Variants in FAM47E observed in about 807,000 individuals in gnomAD.
FAM47E encodes the protein family with sequence similarity 47 member E.
FAM47E carries 32 observed loss-of-function variants against 41.6 expected under a neutral mutation model. That is an observed-to-expected ratio of 0.77 (90% CI 0.58 to 1.03). FAM47E has a LOEUF of 1.03. Among genes scored for constraint, FAM47E ranks in the 50% least tolerant of loss-of-function variants. The pLI is 0.00. For missense variants in FAM47E, 424 were observed against 485.4 expected, an observed-to-expected ratio of 0.87 and a Z score of 1.19; for synonymous variants, 184 against 188.7, an observed-to-expected ratio of 0.98 and a Z score of 0.20.
chr4:76,234,052 G>T (rs1378865044), intron 2 of FAM47E, among the ~76,000 whole-genome samples: 1 of 152,240 alleles, frequency 6.6e-6, no homozygotes, highest in African/African-American at 2.4e-5. Context: ...GGCCTTTCAG[G>T]CCCAGGGTGT....
chr4:76,220,520 T>G (rs1733289191), intron 2 of FAM47E, among the ~76,000 whole-genome samples: 1 of 152,086 alleles, frequency 6.6e-6, no homozygotes, highest in Admixed American at 6.6e-5. Context: ...CCAGCTTACT[T>G]ATGAGGTGAG....
chr4:76,236,099 G>A lies in FAM47E; in HGVS notation c.81+18411G>A, dbSNP rs575303030. Among the ~76,000 whole-genome samples, 24 of 152,220 alleles carry A rather than the reference G, an allele frequency of 1.6e-4. No homozygotes were observed. The South Asian group carries it at 4.4e-3, about 28-fold the overall frequency. The stretch of plus-strand genomic sequence containing the variant: ...TTACATATCAAAAGTGGCTTGGAGA[G>A]ATTAAAGAACATTTTTTGTGTTTTT... On this transcript the variant is annotated intron_variant, in intron 2 of 7. Coordinates refer to the FAM47E transcript ENST00000510197.
chr4:76,268,802 G>T, intron 4 of FAM47E, 34 bp downstream of exon 4: 1 of 1,549,006 alleles, frequency 6.5e-7, no homozygotes, highest in Non-Finnish European at 8.7e-7. Flanking sequence ...CTGCAAGTGG[G>T]TTACTACTTT....
rs1578812443 is a variant in FAM47E, at chr4:76,283,537, C to T, written c.*79C>T. The T allele has an allele frequency of 1.1e-6, 1 of 907,090 alleles. No homozygotes were observed. The highest frequency in any genetic ancestry group is 1.7e-6 in the Non-Finnish European group (1 of 574,020). 56.2% of individuals were successfully genotyped at this position (907,090 alleles called of 1,614,324 possible). On this transcript the variant is annotated 3_prime_UTR_variant, in exon 8 of 8. Transcript: ENST00000424749. ...TCTCTGTCTCCTTTTAAAGATTAAA[C>T]AGAGTTTATGATGAGTGTCCCACTG...
At chr4:76,225,231 T>C (rs1204231260) in intron 2 of FAM47E, among the ~76,000 whole-genome samples, 1 of 152,230 alleles carries the variant, frequency 6.6e-6, no homozygotes, top group East Asian at 1.9e-4. Context: ...CAGTTGTGTA[T>C]TGTGCTGCTA....
chr4:76,276,832 C>T (rs1259900831), intron 5 of FAM47E, among the ~76,000 whole-genome samples: 3 of 152,150 alleles, frequency 2.0e-5, no homozygotes, highest in Non-Finnish European at 4.4e-5. Flanking sequence ...TCTGTATGCT[C>T]GGAACAGAGA....
upstream of FAM47E, among the ~76,000 whole-genome samples, chr4:76,250,969 G>A (rs1202155590): frequency 6.6e-6 from 1 of 152,004 alleles, no homozygotes; most frequent in Non-Finnish European, 1.5e-5. Flanking sequence ...CCATTTTCAG[G>A]CCAGGTAATT....
upstream of FAM47E, chr4:76,251,664 T>C: frequency 7.3e-7 from 1 of 1,363,096 alleles, no homozygotes; most frequent in Non-Finnish European, 9.4e-7. Flanking sequence ...GCAGCGGTGG[T>C]TGTGCGGTGT....
In FAM47E at chr4:76,226,092, G is replaced by A. The variant is rs533279531; in HGVS notation, c.81+8404G>A. Among the ~76,000 whole-genome samples, 17 of 132,700 alleles carry A rather than the reference G, an allele frequency of 1.3e-4. No individual in the cohort carries two copies. The East Asian group carries it at 3.2e-3, about 25-fold the overall frequency. The allele number at this position is 132,700 out of a possible 152,430, so 87.1% of individuals were successfully genotyped here. A position where few individuals can be genotyped will look rare whatever the true frequency, so the allele number is the denominator to read the frequency against. Reference sequence around the variant, plus strand: ...TCAGACTCAACACCAGGTCGTGGTGGCTATGAAGTCCGACGGAGTCAAAGG... The same window carrying A: ...TCAGACTCAACACCAGGTCGTGGTGACTATGAAGTCCGACGGAGTCAAAGG... On this transcript the variant is annotated intron_variant, in intron 2 of 7. Transcript: ENST00000510197.
rs1734599009 is a variant in FAM47E, at chr4:76,265,617, A to G, written c.560+1774A>G. Among the ~76,000 whole-genome samples, 4 of 151,946 alleles carry G rather than the reference A, an allele frequency of 2.6e-5. No individual in the cohort carries two copies. In the South Asian group the frequency reaches 8.3e-4, roughly 32 times the overall value. ...GACAGGAATGCTTTTTGTTATTCATAAGGAGCCCCTTTTAGTCACTGGTGA... is the reference window on the plus strand; with the variant it reads ...GACAGGAATGCTTTTTGTTATTCATGAGGAGCCCCTTTTAGTCACTGGTGA... On this transcript the variant is annotated intron_variant, in intron 3 of 7. Transcript: ENST00000424749.
intron 2 of FAM47E, among the ~76,000 whole-genome samples, chr4:76,237,674 G>A (rs1033054191): frequency 2.0e-5 from 3 of 152,180 alleles, no homozygotes; most frequent in Non-Finnish European, 4.4e-5. Flanking sequence ...GAAGCATGAT[G>A]CTGGCATCTG....
intron 2 of FAM47E, among the ~76,000 whole-genome samples, chr4:76,240,181 T>G (rs1733677591): frequency 6.6e-6 from 1 of 152,226 alleles, no homozygotes; most frequent in South Asian, 2.1e-4. Context: ...GATATAGGAT[T>G]CTTAGTTGAT....
chr4:76,237,041 G>A (rs1295686554), intron 2 of FAM47E, among the ~76,000 whole-genome samples: 3 of 151,528 alleles, frequency 2.0e-5, no homozygotes, highest in Non-Finnish European at 4.4e-5. Context: ...GACTACAGGC[G>A]CCTGTCACCA....
chr4:76,245,207 G>A (rs1057207959), intron 2 of FAM47E, among the ~76,000 whole-genome samples: 4 of 151,792 alleles, frequency 2.6e-5, no homozygotes, highest in Admixed American at 6.6e-5. Flanking sequence ...AGTAACATAC[G>A]TATCAGAGTA....
At chr4:76,217,483 G>C (rs1264633640) in intron 1 of FAM47E, 1 of 408,018 alleles carries the variant, frequency 2.5e-6, no homozygotes, top group Admixed American at 4.2e-5. Context: ...GTCAGAGAGC[G>C]GGTTGTTGAA....
At chr4:76,263,875 C>T (rs1734519786) in intron 3 of FAM47E, 32 bp downstream of exon 3, 1 of 1,544,078 alleles carries the variant, frequency 6.5e-7, no homozygotes. Flanking sequence ...TCGATCATTG[C>T]TGTCACCTGA....
rs139917026 is a variant in FAM47E, at chr4:76,242,739, G to A, written c.82-20965G>A. 9.9e-5 allele frequency among the ~76,000 whole-genome samples: 15 copies of A among 152,210 alleles called. No individual in the cohort carries two copies. The East Asian group carries it at 2.9e-3, about 29-fold the overall frequency. On this transcript the variant is annotated intron_variant, in intron 2 of 7. Coordinates refer to the FAM47E transcript ENST00000510197. The stretch of plus-strand genomic sequence containing the variant: ...CTAAAGATTTAGTATGAAAAAGAAT[G>A]TAAAATATCTCAGTAATATTTTATG...
chr4:76,238,846 A>G (rs976097992), intron 2 of FAM47E, among the ~76,000 whole-genome samples: 1 of 152,200 alleles, frequency 6.6e-6, no homozygotes, highest in African/African-American at 2.4e-5. Flanking sequence ...TTGTGCTGCC[A>G]TCACCACTAC....
chr4:76,251,958 A>G, intron 1 of FAM47E, 138 bp downstream of exon 1: 1 of 1,150,690 alleles, frequency 8.7e-7, no homozygotes, highest in East Asian at 3.2e-5. Flanking sequence ...TGTACGTACA[A>G]CATAATACGC....
Sources: allele counts gnomAD v4.1 joint callset (sites outside exome capture counted in the v4.1 genomes callset), GRCh38; gene constraint gnomAD v4.1.1; transcripts MANE v1.5; gene names NCBI Gene and HGNC (gene_info 2026-07-23, HGNC 2026-07-21).